C1QTNF6: variants seen among roughly 807,000 people sequenced by gnomAD.
The protein encoded by C1QTNF6 is C1q and TNF related 6.
Under a neutral mutation model 20.7 loss-of-function variants are expected in C1QTNF6, and 17 were observed. The observed-to-expected ratio is 0.82, with a 90% confidence interval of 0.56 to 1.23. The LOEUF is 1.23. C1QTNF6 is among the 50% of genes most tolerant of loss of function. C1QTNF6 has a pLI of 0.00. For synonymous variants in C1QTNF6, 130 were observed against 156.3 expected (o/e 0.83, Z 1.25); for missense variants, 329 against 389.7 (o/e 0.84, Z 1.31).
At chr22:37,193,871 A>G (rs1355244549) in intron 2 of C1QTNF6, among the ~76,000 whole-genome samples, 1 of 152,234 alleles carries the variant, frequency 6.6e-6, no homozygotes, top group Non-Finnish European at 1.5e-5. Flanking sequence ...TAAACCAGAA[A>G]GGACTCATTC....
At chr22:37,191,651 AG>A (rs1924826815), upstream of C1QTNF6, 1 of 152,214 alleles carries the variant, frequency 6.6e-6, no homozygotes, top group Non-Finnish European at 1.5e-5. Context: ...GATGTTTTTA[AG>A]GGCAAAAACC....
chr22:37,187,915 C>A (rs540956581), intron 1 of C1QTNF6, among the ~76,000 whole-genome samples: 6 of 152,226 alleles, frequency 3.9e-5, no homozygotes, highest in East Asian at 3.9e-4. Flanking sequence ...GGCAACTTTT[C>A]TCGGTCCAGG....
At chr22:37,192,633 G>A (rs1424492718), upstream of C1QTNF6, among the ~76,000 whole-genome samples, 2 of 152,180 alleles carry the variant, frequency 1.3e-5, no homozygotes, top group Non-Finnish European at 2.9e-5. Flanking sequence ...CTTTAAAACT[G>A]TCTCTATTTC....
chr22:37,189,065 G>A (rs940361581), upstream of C1QTNF6, among the ~76,000 whole-genome samples: 1 of 152,176 alleles, frequency 6.6e-6, no homozygotes, highest in Non-Finnish European at 1.5e-5. Flanking sequence ...TTATTCATGA[G>A]TTTTCCAGGA....
intron 1 of C1QTNF6, among the ~76,000 whole-genome samples, chr22:37,186,281 G>A (rs1924333664): frequency 6.6e-6 from 1 of 152,220 alleles, no homozygotes; most frequent in Non-Finnish European, 1.5e-5. Flanking sequence ...TTGGAGGGAC[G>A]TGATGCTGAG....
intron 1 of C1QTNF6, chr22:37,196,379 T>C (rs1925133716): frequency 1.3e-5 from 2 of 152,218 alleles, no homozygotes; most frequent in African/African-American, 4.8e-5. Flanking sequence ...CCGAGACTCC[T>C]GTATAAAGAC....
chr22:37,183,808 C>G (rs1924014751), intron 2 of C1QTNF6, among the ~76,000 whole-genome samples: 1 of 152,202 alleles, frequency 6.6e-6, no homozygotes, highest in Admixed American at 6.5e-5. Context: ...TTTGTTGTGC[C>G]CCAGCCCAAG....
rs1296736516 is a variant in C1QTNF6, at chr22:37,180,618, G to T, written c.*1570C>A. 6.6e-6 allele frequency: 1 copy of T among 152,508 alleles called. No individual in the cohort carries two copies. The highest frequency in any genetic ancestry group is 2.4e-5 in the African/African-American group (1 of 41,468). The allele number at this position is 152,508 out of a possible 1,614,324, so 9.4% of individuals were successfully genotyped here. A position where few individuals can be genotyped will look rare whatever the true frequency, so the allele number is the denominator to read the frequency against. On this transcript the variant is annotated 3_prime_UTR_variant, in exon 3 of 3. Transcript: ENST00000337843. ...GAGGAGGGCTCTGAGACGAGGAGCT[G>T]CCCACCCGGGCCTTAGCACCTTGAT...
Position 37,182,728 on chromosome 22 carries a change from T to C in C1QTNF6, c.297A>G (p.Lys99=), listed in dbSNP as rs749335466. The change falls in exon 3 of 3, where the codon AAA becomes AAG. Residue 99 remains lysine, a synonymous_variant. Transcript: ENST00000337843. ...GCAGGCCCATTGGGCCTGGGTCCCC[T>C]TTGTCACCTGTGGGGATAAAAAGGG... The part of the protein sequence containing the change: ...YINITILKGD[K]GDPGPMGLPG... The C allele has an allele frequency of 1.2e-6, 2 of 1,603,670 alleles. No homozygotes were observed. Among genetic ancestry groups the C allele is most frequent in the Non-Finnish European group, 1.7e-6 (2 of 1,176,218 alleles).
At chr22:37,193,109 C>T (rs976418263), upstream of C1QTNF6, among the ~76,000 whole-genome samples, 1 of 152,082 alleles carries the variant, frequency 6.6e-6, no homozygotes, top group Non-Finnish European at 1.5e-5. Flanking sequence ...TCCAAAGGTG[C>T]GAAGAGCCAA....
At chr22:37,183,178 T>C (rs1316930398) in intron 2 of C1QTNF6, among the ~76,000 whole-genome samples, 3 of 152,018 alleles carry the variant, frequency 2.0e-5, no homozygotes, top group African/African-American at 7.3e-5. Flanking sequence ...CCAAGAAAAA[T>C]ACATTTGCCC....
chr22:37,195,729 G>A (rs1925096829), intron 1 of C1QTNF6: 3 of 152,250 alleles, frequency 2.0e-5, no homozygotes, highest in Admixed American at 6.5e-5. Flanking sequence ...CCCCAGAACT[G>A]AGAGTTCCTC....
intron 1 of C1QTNF6, among the ~76,000 whole-genome samples, chr22:37,186,824 ATT>A (rs981730243): frequency 1.3e-5 from 2 of 151,960 alleles, no homozygotes; most frequent in Admixed American, 6.6e-5. Flanking sequence ...ATTCAAAAAT[ATT>A]TTTTTTGTGG....
chr22:37,184,525 T>A lies in C1QTNF6; in HGVS notation c.289+693A>T. 1.4e-6 allele frequency: 1 copy of A among 708,770 alleles called. No individual in the cohort carries two copies. The highest frequency in any genetic ancestry group is 1.5e-5 in the South Asian group (1 of 66,968). 43.9% of individuals were successfully genotyped at this position (708,770 alleles called of 1,614,324 possible). On this transcript the variant is annotated intron_variant, in intron 2 of 2. Transcript: ENST00000337843. This position sits in a 1 kb window ranked among gnomAD's most constrained non-coding sequence, Gnocchi z 4.0. Reference sequence around the variant, plus strand: ...GGACGGGCCCTCACCTGGACAGCCCTCACCTGGACAGCCCTCACCTGGATG... The same window carrying A: ...GGACGGGCCCTCACCTGGACAGCCCACACCTGGACAGCCCTCACCTGGATG...
chr22:37,198,071 G>C (rs959992185), upstream of C1QTNF6: 2 of 152,390 alleles, frequency 1.3e-5, no homozygotes, highest in East Asian at 3.9e-4. Context: ...GGCACCCTGG[G>C]ACCCAGGACA....
At chr22:37,195,099 C>A (rs1925063363) in intron 2 of C1QTNF6, among the ~76,000 whole-genome samples, 1 of 152,216 alleles carries the variant, frequency 6.6e-6, no homozygotes, top group Admixed American at 6.5e-5. Context: ...CGTGCCTAAT[C>A]CTGTCACTCA....
chr22:37,182,361 G>A lies in C1QTNF6; in HGVS notation c.664C>T (p.Gln222Ter). The change falls in exon 3 of 3, where the codon CAG (glutamine) becomes TAG (stop). Residue 222 changes from glutamine (Q) to a stop codon, truncating the protein, a stop_gained. Coordinates refer to ENST00000337843, the MANE Select transcript of C1QTNF6 (RefSeq NM_031910.4). LOFTEE classifies it high-confidence loss of function. ...TGCATGATGCTGCGCTCGCTGGGCT[G>A]CGCGTACAGGATGACAGCCTCTTTC... ...NQKEAVILYA[Q>*]PSERSIMQSQ... 6.2e-7 allele frequency: 1 copy of A among 1,614,266 alleles called. No individual in the cohort carries two copies. The highest frequency in any genetic ancestry group is 8.5e-7 in the Non-Finnish European group (1 of 1,180,044).
intron 1 of C1QTNF6, chr22:37,195,984 G>T (rs1043736968): frequency 1.3e-5 from 2 of 152,090 alleles, no homozygotes; most frequent in Non-Finnish European, 2.9e-5. Flanking sequence ...CAGTCCTGCC[G>T]ACTCCCATCT....
upstream of C1QTNF6, among the ~76,000 whole-genome samples, chr22:37,188,747 C>T (rs2145774622): frequency 6.6e-6 from 1 of 152,346 alleles, no homozygotes; most frequent in South Asian, 2.1e-4. Context: ...GAACTGCAGT[C>T]CTCAGCCCCC....
Sources: allele counts gnomAD v4.1 joint callset (sites outside exome capture counted in the v4.1 genomes callset), GRCh38; gene constraint gnomAD v4.1.1; non-coding constraint Gnocchi (gnomAD v3.1); transcripts MANE v1.5; gene names NCBI Gene and HGNC (gene_info 2026-07-23, HGNC 2026-07-21).